Variants in TMEM53 observed in about 807,000 individuals in gnomAD.
TMEM53 encodes transmembrane protein 53.
In TMEM53, 14 loss-of-function variants were observed where a neutral mutation model predicts 21.4. The ratio of observed to expected loss-of-function variants is 0.65; its 90% CI spans 0.43 to 1.02. The LOEUF is 1.02. TMEM53 is among the 50% of genes least tolerant of loss of function. The pLI, the probability that TMEM53 is intolerant of heterozygous loss-of-function variation, is 0.00. For synonymous variants in TMEM53, 148 were observed against 157.4 expected (o/e 0.94, Z 0.45); for missense variants, 323 against 383.6 (o/e 0.84, Z 1.32).
chr1:44,673,564 C>A (rs1645037286), intron 1 of TMEM53, among the ~76,000 whole-genome samples: 1 of 152,180 alleles, frequency 6.6e-6, no homozygotes, highest in Non-Finnish European at 1.5e-5. Context: ...TGCTGTCAAT[C>A]CTAATTTTGT....
At chr1:44,669,943 CAT>C (rs1369200125) in intron 1 of TMEM53, among the ~76,000 whole-genome samples, 5 of 151,856 alleles carry the variant, frequency 3.3e-5, no homozygotes, top group African/African-American at 1.2e-4. Context: ...AGATTATAGG[CAT>C]GCGCCACCAC....
In TMEM53 at chr1:44,654,328, C is replaced by G; in HGVS notation, c.*231G>C. On this transcript the variant is annotated 3_prime_UTR_variant, in exon 3 of 3. Transcript: ENST00000372237. The surrounding 1 kb of genome is among the most constrained non-coding windows in gnomAD (Gnocchi z 7.0). The stretch of plus-strand genomic sequence containing the variant: ...TGTCCAAACACAACTGACTGCAAGG[C>G]TCCCACAGACACATGCCCAGGCACT... 1 of 540,670 alleles carries G rather than the reference C, an allele frequency of 1.8e-6. No homozygotes were observed. The highest frequency in any genetic ancestry group is 3.3e-6 in the Non-Finnish European group (1 of 304,432). 33.5% of individuals were successfully genotyped at this position (540,670 alleles called of 1,614,324 possible).
Position 44,654,853 on chromosome 1 carries a change from C to A in TMEM53, c.540G>T (p.Val180=). 1 of 1,612,970 alleles carries A rather than the reference C, an allele frequency of 6.2e-7. No individual in the cohort carries two copies. Among genetic ancestry groups the A allele is most frequent in the East Asian group, 2.2e-5 (1 of 44,874 alleles). The change falls in exon 3 of 3, where the codon GTG becomes GTT. Residue 180 remains valine, a synonymous_variant. Transcript: ENST00000372237. The surrounding 1 kb of genome is among the most constrained non-coding windows in gnomAD (Gnocchi z 7.0). The stretch of plus-strand genomic sequence containing the variant: ...CAAGCAGGACGTGGAACAGGACGAC[C>A]ACCAGGGCAAAGGCCACCAGCAGCA... ...RLLLLVAFAL[V]VVLFHVLLAP...
At chr1:44,674,244 C>T in intron 1 of TMEM53, 87 bp downstream of exon 1, 1 of 1,507,072 alleles carries the variant, frequency 6.6e-7, no homozygotes, top group Middle Eastern at 1.8e-4. Context: ...GGCGGGGCCG[C>T]ATGAGGGGCG....
intron 2 of TMEM53, among the ~76,000 whole-genome samples, chr1:44,657,084 C>T (rs1247513964): frequency 6.6e-6 from 1 of 151,656 alleles, no homozygotes; most frequent in Non-Finnish European, 1.5e-5. Flanking sequence ...GTCCCAGCTA[C>T]TCGGGAGGCT....
At chr1:44,670,737 T>C (rs1385970332) in intron 1 of TMEM53, among the ~76,000 whole-genome samples, 1 of 152,258 alleles carries the variant, frequency 6.6e-6, no homozygotes, top group Non-Finnish European at 1.5e-5. Flanking sequence ...CCCCTCTCTG[T>C]GATCCCCTTA....
intron 1 of TMEM53, among the ~76,000 whole-genome samples, chr1:44,663,643 C>T (rs977252887): frequency 2.6e-5 from 4 of 152,172 alleles, no homozygotes; most frequent in Non-Finnish European, 4.4e-5. Context: ...TTCCACTGGC[C>T]GTATCACCCT....
rs1171455146 is a variant in TMEM53, at chr1:44,655,334, T to G, written c.184-125A>C. 3.1e-6 allele frequency: 3 copies of G among 966,580 alleles called. No homozygotes were observed. The highest frequency in any genetic ancestry group is 4.5e-6 in the Non-Finnish European group (3 of 672,028). 59.9% of individuals were successfully genotyped at this position (966,580 alleles called of 1,614,324 possible). A position where few individuals can be genotyped will look rare whatever the true frequency, so the allele number is the denominator to read the frequency against. ...GCCATGGGGCCCACAGCGTCAGCAATGCTCTGGGTCCTGCTTCAGCCTGAG... is the reference window on the plus strand; with the variant it reads ...GCCATGGGGCCCACAGCGTCAGCAAGGCTCTGGGTCCTGCTTCAGCCTGAG... On this transcript the variant is annotated intron_variant, in intron 2 of 2. Coordinates refer to ENST00000372237, the MANE Select transcript of TMEM53 (RefSeq NM_024587.4). This position sits in a 1 kb window ranked among gnomAD's most constrained non-coding sequence, Gnocchi z 4.4.
rs1644817751 is a variant in TMEM53 at position 44,653,372 on chromosome 1, A to G, written c.*1187T>C. 6.6e-6 allele frequency: 1 copy of G among 152,244 alleles called. No individual in the cohort carries two copies. The highest frequency in any genetic ancestry group is 1.5e-5 in the Non-Finnish European group (1 of 68,042). 9.4% of individuals were successfully genotyped at this position (152,244 alleles called of 1,614,324 possible). A position where few individuals can be genotyped will look rare whatever the true frequency, so the allele number is the denominator to read the frequency against. On this transcript the variant is annotated 3_prime_UTR_variant, in exon 3 of 3. Coordinates refer to ENST00000372237, the MANE Select transcript of TMEM53 (RefSeq NM_024587.4). ...ACCTCTTCTGCCTAGAGAGTATCTA[A>G]GTGGGTCTCCCTTCCAGAAGATGAA...
chr1:44,670,885 T>C (rs1208611740), intron 1 of TMEM53, among the ~76,000 whole-genome samples: 1 of 152,236 alleles, frequency 6.6e-6, no homozygotes, highest in African/African-American at 2.4e-5. Context: ...TGCTGGCCTA[T>C]GAGCAAGTCA....
chr1:44,654,639 G>A lies in TMEM53; in HGVS notation c.754C>T (p.His252Tyr). ...GGGTAGTCACGGAGGTGGCTGACGT[G>A]TGCAGATGACACGAAATCCACAGAA... ...ARSVDFVSSA[H>Y]VSHLRDYPTY... Residue 252 changes from histidine to tyrosine, a missense_variant, in exon 3 of 3, where the codon CAC becomes TAC. By Grantham distance (83) the His-to-Tyr change is moderately conservative. Coordinates refer to ENST00000372237, the MANE Select transcript of TMEM53 (RefSeq NM_024587.4). The surrounding 1 kb of genome is among the most constrained non-coding windows in gnomAD (Gnocchi z 7.0). 6.2e-7 allele frequency: 1 copy of A among 1,614,098 alleles called. No individual in the cohort carries two copies. Among genetic ancestry groups the A allele is most frequent in the Non-Finnish European group, 8.5e-7 (1 of 1,180,040 alleles).
intron 1 of TMEM53, among the ~76,000 whole-genome samples, chr1:44,667,283 C>T (rs115215020): frequency 0.014 from 2,085 of 151,286 alleles, 28 homozygotes; most frequent in Non-Finnish European, 0.022. Flanking sequence ...CATATACACA[C>T]ACATACTACA....
At position 44,655,229 on chromosome 1, in the gene TMEM53, C is replaced by A; in HGVS notation, c.184-20G>T. ...GCAGCCCTGGGGAGAGAGGCCTGGT[C>A]AGTCCTCACAGATGAGGTGGGGGTA... On this transcript the variant is annotated intron_variant, in intron 2 of 2. Coordinates refer to ENST00000372237, the MANE Select transcript of TMEM53 (RefSeq NM_024587.4). The surrounding 1 kb of genome is among the most constrained non-coding windows in gnomAD (Gnocchi z 4.4). 2.5e-6 allele frequency: 4 copies of A among 1,571,700 alleles called. No homozygotes were observed. The South Asian group carries it at 3.6e-5, about 14-fold the overall frequency.
At chr1:44,668,827 G>A (rs981635604) in intron 1 of TMEM53, among the ~76,000 whole-genome samples, 2 of 152,232 alleles carry the variant, frequency 1.3e-5, no homozygotes, top group African/African-American at 4.8e-5. Context: ...ACAGGCGTGA[G>A]CCACTGTACC....
Position 44,674,378 on chromosome 1 carries a change from T to G in TMEM53, c.14A>C (p.Glu5Ala), listed in dbSNP as rs1488468273. Residue 5 changes from glutamate (E) to alanine (A), a missense_variant, in exon 1 of 3, where the codon GAG becomes GCG. By Grantham distance (107) the Glu-to-Ala change is moderately radical (BLOSUM62 -1). Transcript: ENST00000372237. MASAELDYTIEIPDQ... is the reference protein window; with the variant it reads MASAALDYTIEIPDQ... ...CGGGATCTCGATGGTGTAGTCCAGC[T>G]CTGCCGAGGCCATGGTGAAGGCGCC... 1 of 1,612,276 alleles carries G rather than the reference T, an allele frequency of 6.2e-7. No individual in the cohort carries two copies. Among genetic ancestry groups the G allele is most frequent in the East Asian group, 2.2e-5 (1 of 44,694 alleles).
intron 1 of TMEM53, among the ~76,000 whole-genome samples, chr1:44,668,329 T>G (rs575974489): frequency 3.9e-5 from 6 of 152,154 alleles, no homozygotes; most frequent in Non-Finnish European, 8.8e-5. Context: ...TAGTCCCAGC[T>G]ACTCCGGAGG....
intron 1 of TMEM53, among the ~76,000 whole-genome samples, chr1:44,671,939 GT>G (rs1171203169): frequency 6.6e-6 from 1 of 152,110 alleles, no homozygotes; most frequent in Non-Finnish European, 1.5e-5. Flanking sequence ...AAAAAAAAAA[GT>G]TTTTAAAAAG....
chr1:44,661,421 A>G (rs1187516515), intron 1 of TMEM53, among the ~76,000 whole-genome samples: 1 of 148,410 alleles, frequency 6.7e-6, no homozygotes, highest in Non-Finnish European at 1.5e-5. Flanking sequence ...TTTTTTTAAG[A>G]GTAAAAAAGG....
intron 1 of TMEM53, among the ~76,000 whole-genome samples, chr1:44,663,033 G>C (rs1644914881): frequency 6.6e-6 from 1 of 152,190 alleles, no homozygotes; most frequent in Non-Finnish European, 1.5e-5. Flanking sequence ...CATAGCCCAA[G>C]CTTTCTGTAA....
Sources: allele counts gnomAD v4.1 joint callset (sites outside exome capture counted in the v4.1 genomes callset), GRCh38; gene constraint gnomAD v4.1.1; non-coding constraint Gnocchi (gnomAD v3.1); transcripts MANE v1.5; gene names NCBI Gene and HGNC (gene_info 2026-07-23, HGNC 2026-07-21).